ARHGAP10: variants seen among roughly 807,000 people sequenced by gnomAD.
The protein encoded by ARHGAP10 is rho GTPase-activating protein 10.
ARHGAP10 carries 87 observed loss-of-function variants against 108.6 expected under a neutral mutation model. The observed-to-expected ratio is 0.80, with a 90% CI of 0.67 to 0.96. The LOEUF is 0.96. Among genes scored for constraint, ARHGAP10 ranks in the 40% least tolerant of loss-of-function variants. The pLI is 0.00. For synonymous variants in ARHGAP10, 347 were observed against 341.1 expected, an observed-to-expected ratio of 1.02 and a Z score of -0.19; for missense variants, 939 against 954.5, an observed-to-expected ratio of 0.98 and a Z score of 0.21.
At chr4:147,935,700 G>T (rs1425017694) in intron 13 of ARHGAP10, among the ~76,000 whole-genome samples, 1 of 152,206 alleles carries the variant, frequency 6.6e-6, no homozygotes, top group Non-Finnish European at 1.5e-5. Context: ...TGTGTTCATA[G>T]ATAAAAAGTA....
intron 20 of ARHGAP10, among the ~76,000 whole-genome samples, chr4:148,051,009 C>A (rs1357445433): frequency 6.6e-6 from 1 of 152,126 alleles, no homozygotes; most frequent in African/African-American, 2.4e-5. Context: ...CACATAGGAC[C>A]CCAGTAGATC....
At chr4:147,846,194 C>T (rs1362041304) in intron 3 of ARHGAP10, among the ~76,000 whole-genome samples, 1 of 152,094 alleles carries the variant, frequency 6.6e-6, no homozygotes, top group African/African-American at 2.4e-5. Context: ...GTATGAAGGT[C>T]TCTTTGGGAG....
intron 18 of ARHGAP10, among the ~76,000 whole-genome samples, chr4:148,022,111 T>TA (rs1313332864): frequency 1.3e-5 from 2 of 152,342 alleles, no homozygotes; most frequent in South Asian, 2.1e-4. Flanking sequence ...ACTTTTAATA[T>TA]AAAAAATATA....
rs563661431 is a variant in ARHGAP10 at position 147,748,126 on chromosome 4, C to T, written c.154+15671C>T. 1.3e-3 allele frequency among the ~76,000 whole-genome samples: 197 copies of T among 152,350 alleles called. 1 individual carries two copies. The highest frequency in any genetic ancestry group is 3.4e-3 in the Middle Eastern group (1 of 294). The stretch of plus-strand genomic sequence containing the variant: ...AGCCCATGTAATCTAAACCCAGATA[C>T]TCTTGAGAAGTACAGTTATGCTAAG... On this transcript the variant is annotated intron_variant, in intron 1 of 22. Transcript: ENST00000336498.
At chr4:147,912,260 C>T (rs1736774885) in intron 12 of ARHGAP10, among the ~76,000 whole-genome samples, 1 of 151,802 alleles carries the variant, frequency 6.6e-6, no homozygotes, top group Admixed American at 6.6e-5. Flanking sequence ...GAAATTCCTT[C>T]CAGGCACAGT....
chr4:147,831,356 C>T (rs908427032), intron 3 of ARHGAP10, among the ~76,000 whole-genome samples: 1 of 152,184 alleles, frequency 6.6e-6, no homozygotes, highest in Non-Finnish European at 1.5e-5. Flanking sequence ...TTTAGTGTTA[C>T]TTACTTTGTA....
At chr4:148,001,924 G>T (rs963501786) in intron 18 of ARHGAP10, among the ~76,000 whole-genome samples, 121 of 151,958 alleles carry the variant, frequency 8.0e-4, no homozygotes, top group Non-Finnish European at 1.5e-3. Flanking sequence ...CTGCCTGATT[G>T]CCCTGGCCAG....
chr4:147,938,898 C>G (rs1482808567), intron 13 of ARHGAP10, among the ~76,000 whole-genome samples: 4 of 152,122 alleles, frequency 2.6e-5, no homozygotes, highest in Non-Finnish European at 5.9e-5. Flanking sequence ...TGAAAATTTT[C>G]AAGCATAAAA....
At chr4:147,920,299 C>T (rs977091572) in intron 13 of ARHGAP10, among the ~76,000 whole-genome samples, 11 of 151,872 alleles carry the variant, frequency 7.2e-5, no homozygotes, top group Non-Finnish European at 1.6e-4. Flanking sequence ...TGCCTGTAAT[C>T]CCAGCTGCTT....
chr4:147,746,263 C>T (rs1450608263), intron 1 of ARHGAP10, among the ~76,000 whole-genome samples: 1 of 150,518 alleles, frequency 6.6e-6, no homozygotes. Context: ...ACCACCATGC[C>T]CAGCTAATTT....
intron 1 of ARHGAP10, among the ~76,000 whole-genome samples, chr4:147,744,890 C>T (rs746957183): frequency 1.3e-5 from 2 of 151,940 alleles, no homozygotes; most frequent in Non-Finnish European, 2.9e-5. Context: ...GGATGGGAAA[C>T]GATGCCATGC....
At chr4:147,987,693 A>G (rs953225437) in intron 18 of ARHGAP10, among the ~76,000 whole-genome samples, 1 of 152,256 alleles carries the variant, frequency 6.6e-6, no homozygotes, top group African/African-American at 2.4e-5. Context: ...TGAGCCAGTT[A>G]CTATGAGGTT....
intron 18 of ARHGAP10, among the ~76,000 whole-genome samples, chr4:148,004,159 C>T (rs1740850456): frequency 6.6e-6 from 1 of 152,178 alleles, no homozygotes; most frequent in Non-Finnish European, 1.5e-5. Context: ...AGTCTGAATC[C>T]AGTCTGGACA....
chr4:147,792,035 C>T (rs969658779), intron 1 of ARHGAP10, among the ~76,000 whole-genome samples: 3 of 152,214 alleles, frequency 2.0e-5, no homozygotes, highest in Non-Finnish European at 4.4e-5. Context: ...GGGGACATCA[C>T]GTGAGAGTAG....
Position 148,072,130 on chromosome 4 carries a change from G to A in ARHGAP10, c.*49G>A, listed in dbSNP as rs1470676851. 1 of 1,549,206 alleles carries A rather than the reference G, an allele frequency of 6.5e-7. No homozygotes were observed. Among genetic ancestry groups the A allele is most frequent in the Admixed American group, 1.8e-5 (1 of 55,338 alleles). ...GACCCTGGCACCCAGGGACCTGCCT[G>A]GGGGCAGAGAGCTGTCTTCCTCCTC... On this transcript the variant is annotated 3_prime_UTR_variant, in exon 23 of 23. Coordinates refer to ENST00000336498, the MANE Select transcript of ARHGAP10 (RefSeq NM_024605.4).
chr4:147,935,310 G>A (rs1304511870), intron 13 of ARHGAP10, among the ~76,000 whole-genome samples: 3 of 152,202 alleles, frequency 2.0e-5, no homozygotes, highest in Non-Finnish European at 1.5e-5. Flanking sequence ...GGATCCAGGG[G>A]ACATTAGATA....
At chr4:147,931,762 A>G (rs913853800) in intron 13 of ARHGAP10, among the ~76,000 whole-genome samples, 2 of 152,228 alleles carry the variant, frequency 1.3e-5, no homozygotes, top group Non-Finnish European at 2.9e-5. Context: ...GAACATAGGC[A>G]CAGGCAAAGA....
intron 3 of ARHGAP10, among the ~76,000 whole-genome samples, chr4:147,838,482 A>ACAC (rs1553955414): frequency 6.7e-6 from 1 of 149,292 alleles, no homozygotes; most frequent in East Asian, 2.0e-4. Flanking sequence ...TTAAAAAAAA[A>ACAC]ACACACACAC....
At chr4:148,000,610 A>T (rs1740676940) in intron 18 of ARHGAP10, among the ~76,000 whole-genome samples, 9 of 152,112 alleles carry the variant, frequency 5.9e-5, no homozygotes, top group Admixed American at 5.9e-4. Context: ...CTTTTTAATG[A>T]TTGCCATTCT....
Sources: allele counts gnomAD v4.1 joint callset (sites outside exome capture counted in the v4.1 genomes callset), GRCh38; gene constraint gnomAD v4.1.1; transcripts MANE v1.5; gene names NCBI Gene and HGNC (gene_info 2026-07-23, HGNC 2026-07-21).